LRP1B: variants seen among roughly 807,000 people sequenced by gnomAD.
The protein encoded by LRP1B is LDL receptor related protein 1B, also known as low-density lipoprotein receptor-related protein 1B.
A neutral mutation model predicts 556.6 loss-of-function variants in LRP1B; 217 were observed. The observed-to-expected ratio is 0.39, with a 90% CI of 0.35 to 0.44. The LOEUF is 0.44. Among genes scored for constraint, LRP1B ranks in the 20% least tolerant of loss-of-function variants. LRP1B has a pLI of 1.00. For synonymous variants in LRP1B, 2,047 were observed against 1,865.8 expected (o/e 1.10, Z -2.50); for missense variants, 5,053 against 5,620.8 (o/e 0.90, Z 3.23).
intron 85 of LRP1B, among the ~76,000 whole-genome samples, chr2:140,272,845 A>G (rs890181790): frequency 6.6e-6 from 1 of 151,972 alleles, no homozygotes; most frequent in Non-Finnish European, 1.5e-5. Context: ...TAAAAGTTCC[A>G]CTATCTCCTC....
At chr2:141,294,283 G>GA (rs1686093964) in intron 3 of LRP1B, among the ~76,000 whole-genome samples, 1 of 152,048 alleles carries the variant, frequency 6.6e-6, no homozygotes, top group Non-Finnish European at 1.5e-5. Flanking sequence ...TTAAGAGTCA[G>GA]AAAAAATATA....
At chr2:141,571,280 T>C (rs1171567801) in intron 2 of LRP1B, among the ~76,000 whole-genome samples, 3 of 150,742 alleles carry the variant, frequency 2.0e-5, no homozygotes, top group Non-Finnish European at 4.5e-5. Flanking sequence ...GAATAGGGCC[T>C]GAAGTGAACC....
At chr2:142,015,054 T>C (rs1703076310) in intron 1 of LRP1B, among the ~76,000 whole-genome samples, 2 of 152,222 alleles carry the variant, frequency 1.3e-5, no homozygotes, top group Non-Finnish European at 2.9e-5. Flanking sequence ...TAACTGGGAA[T>C]TACATTTAAA....
chr2:141,142,920 AC>A (rs1238231241), intron 7 of LRP1B, among the ~76,000 whole-genome samples: 3 of 90,718 alleles, frequency 3.3e-5, no homozygotes, highest in East Asian at 3.1e-4. Flanking sequence ...TTGTCTGATT[AC>A]TTTTTTTTTT....
At chr2:141,388,888 A>T (rs1440445346) in intron 3 of LRP1B, among the ~76,000 whole-genome samples, 1 of 152,208 alleles carries the variant, frequency 6.6e-6, no homozygotes, top group East Asian at 1.9e-4. Context: ...TGAAAAAACT[A>T]CATTTATAAC....
At chr2:140,523,396 C>T (rs1359459923) in intron 49 of LRP1B, among the ~76,000 whole-genome samples, 2 of 151,666 alleles carry the variant, frequency 1.3e-5, no homozygotes, top group Non-Finnish European at 1.5e-5. Context: ...ACAATAAGAG[C>T]CATCTGTGAC....
chr2:141,337,889 A>G (rs1320491027), intron 3 of LRP1B, among the ~76,000 whole-genome samples: 1 of 152,206 alleles, frequency 6.6e-6, no homozygotes, highest in African/African-American at 2.4e-5. Flanking sequence ...TGTCAAATGA[A>G]TTGAGATATT....
At chr2:141,613,845 G>T (rs1688194274) in intron 2 of LRP1B, among the ~76,000 whole-genome samples, 1 of 152,020 alleles carries the variant, frequency 6.6e-6, no homozygotes, top group Admixed American at 6.6e-5. Flanking sequence ...GGCCAAGGCA[G>T]GTGGATCACC....
intron 3 of LRP1B, among the ~76,000 whole-genome samples, chr2:141,382,771 G>A (rs1689687051): frequency 6.6e-6 from 1 of 152,180 alleles, no homozygotes; most frequent in Admixed American, 6.5e-5. Flanking sequence ...TTTCTGGGTT[G>A]CCAGGTGGTT....
chr2:141,431,549 T>G (rs1406976131), intron 3 of LRP1B, among the ~76,000 whole-genome samples: 1 of 152,152 alleles, frequency 6.6e-6, no homozygotes. Context: ...TTGATAGGAA[T>G]TGAATTGCAG....
chr2:141,204,262 G>T (rs1270586387), intron 6 of LRP1B, among the ~76,000 whole-genome samples: 2 of 152,120 alleles, frequency 1.3e-5, no homozygotes, highest in Non-Finnish European at 2.9e-5. Context: ...GTTTTTTCAA[G>T]AATCAAGTCC....
intron 5 of LRP1B, among the ~76,000 whole-genome samples, chr2:141,230,959 C>T (rs967105333): frequency 2.6e-5 from 4 of 152,126 alleles, no homozygotes; most frequent in African/African-American, 7.2e-5. Context: ...AAGCGTAGAA[C>T]TTAGTGATCA....
intron 1 of LRP1B, among the ~76,000 whole-genome samples, chr2:142,083,836 C>G (rs1334511015): frequency 2.0e-5 from 3 of 152,186 alleles, no homozygotes; most frequent in African/African-American, 7.2e-5. Flanking sequence ...TAAATCTGTT[C>G]TGCAAACACA....
In LRP1B at chr2:141,949,285, CATTCAGAAACTCACCGTCTATTTCAGT is replaced by C. The variant is rs1701042482; in HGVS notation, c.83-138911_83-138885del. Among the ~76,000 whole-genome samples, 3 of 152,256 alleles carry C rather than the reference CATTCAGAAACTCACCGTCTATTTCAGT, an allele frequency of 2.0e-5. No individual in the cohort carries two copies. The South Asian group carries it at 6.2e-4, about 32-fold the overall frequency. ...TGTTTTATACCATGATCTATTTCAG[CATTCAGAAACTCACCGTCTATTTCAGT>C]ATTCAGAAATTCACCAAAATGTATT... is the stretch of plus-strand genomic sequence containing the variant. On this transcript the variant is annotated intron_variant, in intron 1 of 90. Coordinates refer to ENST00000389484, the MANE Select transcript of LRP1B (RefSeq NM_018557.3).
chr2:141,682,815 AC>A (rs1340491534), intron 2 of LRP1B, among the ~76,000 whole-genome samples: 10 of 152,282 alleles, frequency 6.6e-5, no homozygotes, highest in African/African-American at 2.4e-4. Context: ...ATATTGAGAG[AC>A]TTTTTGTATC....
intron 3 of LRP1B, among the ~76,000 whole-genome samples, chr2:141,413,750 G>A (rs192545072): frequency 4.0e-5 from 6 of 151,892 alleles, no homozygotes; most frequent in Non-Finnish European, 7.4e-5. Flanking sequence ...TAGGCATGGT[G>A]GTGCATGCCT....
chr2:140,489,741 A>C (rs1028400938), intron 57 of LRP1B, among the ~76,000 whole-genome samples: 1 of 152,058 alleles, frequency 6.6e-6, no homozygotes, highest in African/African-American at 2.4e-5. Context: ...TGGCTAAATT[A>C]GAGAGCTTTG....
Position 140,902,898 on chromosome 2 carries a change from C to T in LRP1B, c.3766+22G>A, listed in dbSNP as rs373836401. On this transcript the variant is annotated intron_variant, in intron 23 of 90. Transcript: ENST00000389484. Reference sequence around the variant, plus strand: ...CAAGATCTATTCTTAAATATAGCAACACACACAAAATAGTTACTTACCAAC... The same window carrying T: ...CAAGATCTATTCTTAAATATAGCAATACACACAAAATAGTTACTTACCAAC... The T allele has an allele frequency of 5.6e-6, 9 of 1,607,262 alleles. No individual in the cohort carries two copies. The East Asian group carries it at 1.8e-4, about 32-fold the overall frequency.
chr2:141,279,110 T>C (rs1685412922), intron 3 of LRP1B, among the ~76,000 whole-genome samples: 1 of 152,080 alleles, frequency 6.6e-6, no homozygotes, highest in Non-Finnish European at 1.5e-5. Flanking sequence ...TGTAAATAAA[T>C]AGGACATTTT....
Sources: allele counts gnomAD v4.1 joint callset (sites outside exome capture counted in the v4.1 genomes callset), GRCh38; gene constraint gnomAD v4.1.1; transcripts MANE v1.5; gene names NCBI Gene and HGNC (gene_info 2026-07-23, HGNC 2026-07-21).